Variants in AUTS2 observed in about 807,000 individuals in gnomAD.
The protein encoded by AUTS2 is autism susceptibility gene 2 protein.
Under a neutral mutation model 112.4 loss-of-function variants are expected in AUTS2, and 17 were observed. The observed-to-expected ratio is 0.15, with a 90% CI of 0.10 to 0.23. The LOEUF (loss-of-function observed/expected upper bound fraction) is 0.23, where lower values mean the gene tolerates loss of function less well. Ranked by LOEUF, AUTS2 falls within the 10% of genes least tolerant of loss-of-function variation. The pLI is 1.00. For missense variants in AUTS2, 1,510 were observed against 1,701.6 expected, an observed-to-expected ratio of 0.89 and a Z score of 1.98; for synonymous variants, 751 against 702.7, an observed-to-expected ratio of 1.07 and a Z score of -1.09.
At chr7:69,824,163 C>G (rs915611033) in intron 1 of AUTS2, among the ~76,000 whole-genome samples, 1 of 151,874 alleles carries the variant, frequency 6.6e-6, no homozygotes, top group African/African-American at 2.4e-5. Context: ...TCTGTAATCC[C>G]AGCACTGTGG....
intron 4 of AUTS2, among the ~76,000 whole-genome samples, chr7:70,289,925 A>G (rs1459510423): frequency 6.6e-6 from 1 of 152,228 alleles, no homozygotes; most frequent in East Asian, 1.9e-4. Context: ...AACAGACCTA[A>G]TTTAGTAAGA....
At chr7:69,937,231 A>T (rs1219626166) in intron 2 of AUTS2, among the ~76,000 whole-genome samples, 1 of 152,166 alleles carries the variant, frequency 6.6e-6, no homozygotes, top group Non-Finnish European at 1.5e-5. Flanking sequence ...GAGGAGGGAG[A>T]TTGAAGGCAG....
intron 1 of AUTS2, among the ~76,000 whole-genome samples, chr7:69,798,946 G>T (rs1006962921): frequency 6.6e-6 from 1 of 151,606 alleles, no homozygotes; most frequent in Non-Finnish European, 1.5e-5. Context: ...AGCTTTAATG[G>T]CACCACTGCA....
intron 2 of AUTS2, among the ~76,000 whole-genome samples, chr7:70,078,693 T>C (rs571492969): frequency 3.3e-5 from 5 of 152,042 alleles, no homozygotes; most frequent in African/African-American, 1.2e-4. Context: ...CCCCAACCCC[T>C]GAAGGGAGAA....
At chr7:70,233,958 T>C (rs1030248529) in intron 4 of AUTS2, among the ~76,000 whole-genome samples, 8 of 152,190 alleles carry the variant, frequency 5.3e-5, no homozygotes, top group African/African-American at 1.9e-4. Context: ...GTCCAAAGGT[T>C]GATCATGTGG....
chr7:70,703,399 G>A (rs1809563590), intron 6 of AUTS2, among the ~76,000 whole-genome samples: 1 of 151,040 alleles, frequency 6.6e-6, no homozygotes, highest in African/African-American at 2.4e-5. Flanking sequence ...GGGAGGGTGA[G>A]GTGAGAGGAT....
intron 4 of AUTS2, among the ~76,000 whole-genome samples, chr7:70,304,087 G>A (rs1039324660): frequency 2.0e-5 from 3 of 152,160 alleles, no homozygotes; most frequent in African/African-American, 7.2e-5. Flanking sequence ...CAACACTGCA[G>A]ACATCTGCTG....
intron 2 of AUTS2, among the ~76,000 whole-genome samples, chr7:69,911,148 G>A (rs938146827): frequency 6.6e-6 from 1 of 152,216 alleles, no homozygotes; most frequent in African/African-American, 2.4e-5. Context: ...AGCCAGGCAT[G>A]CCTGCTGCTG....
intron 15 of AUTS2, chr7:70,782,616 C>CACTT (rs1791164521): frequency 6.6e-6 from 1 of 152,176 alleles, no homozygotes; most frequent in East Asian, 1.9e-4. Context: ...GCTCAGTTAA[C>CACTT]ACTTAAAAAT....
At chr7:69,923,523 A>G (rs1045826018) in intron 2 of AUTS2, among the ~76,000 whole-genome samples, 2 of 152,212 alleles carry the variant, frequency 1.3e-5, no homozygotes, top group African/African-American at 4.8e-5. Flanking sequence ...GGTTGAGATT[A>G]TATTGATCGT....
At chr7:70,029,753 A>G (rs1800693906) in intron 2 of AUTS2, among the ~76,000 whole-genome samples, 1 of 152,210 alleles carries the variant, frequency 6.6e-6, no homozygotes, top group African/African-American at 2.4e-5. Flanking sequence ...TTTTTGCTAC[A>G]GAGGGAAAAA....
At chr7:69,816,180 G>C (rs951084430) in intron 1 of AUTS2, among the ~76,000 whole-genome samples, 2 of 152,172 alleles carry the variant, frequency 1.3e-5, no homozygotes, top group African/African-American at 4.8e-5. Flanking sequence ...CTTTCCCCGT[G>C]GGAGACAGGC....
chr7:70,643,582 T>G (rs1418277111), intron 5 of AUTS2, among the ~76,000 whole-genome samples: 1 of 152,034 alleles, frequency 6.6e-6, no homozygotes, highest in Non-Finnish European at 1.5e-5. Flanking sequence ...AAAAATAAAA[T>G]AAAGTAAAAG....
chr7:70,326,917 C>CTTTTT lies in AUTS2; in HGVS notation c.661-108821_661-108817dup, dbSNP rs552893729. On this transcript the variant is annotated intron_variant, in intron 4 of 18. Coordinates refer to ENST00000342771, the MANE Select transcript of AUTS2 (RefSeq NM_015570.4). ...CTTGGCATGAAAGGTATGCTTGGTT[C>CTTTTT]TTTTTTTTTTTTTTTTTTGTGACGG... Among the ~76,000 whole-genome samples the CTTTTT allele has an allele frequency of 2.6e-4, 31 of 120,636 alleles. 1 individual carries two copies. Among genetic ancestry groups the CTTTTT allele is most frequent in the Middle Eastern group, 5.6e-3 (1 of 180 alleles). The allele number at this position is 120,636 out of a possible 152,430, so 79.1% of individuals were successfully genotyped here.
intron 5 of AUTS2, among the ~76,000 whole-genome samples, chr7:70,529,715 C>A (rs956246880): frequency 1.3e-5 from 2 of 152,112 alleles, no homozygotes; most frequent in African/African-American, 2.4e-5. Context: ...ATGAAGGATG[C>A]GACTTGAGAA....
intron 5 of AUTS2, among the ~76,000 whole-genome samples, chr7:70,610,424 T>A (rs1804028941): frequency 1.9e-4 from 3 of 15,654 alleles, no homozygotes; most frequent in African/African-American, 1.0e-3. Context: ...AGCGCTCATC[T>A]TTTTTTTTTT....
chr7:70,252,462 A>G (rs1584934954), intron 4 of AUTS2, among the ~76,000 whole-genome samples: 1 of 152,096 alleles, frequency 6.6e-6, no homozygotes, highest in Non-Finnish European at 1.5e-5. Flanking sequence ...TTTTATTGCT[A>G]TTGAGTTATT....
At chr7:70,676,146 A>G (rs1807899916) in intron 5 of AUTS2, among the ~76,000 whole-genome samples, 1 of 152,224 alleles carries the variant, frequency 6.6e-6, no homozygotes, top group African/African-American at 2.4e-5. Flanking sequence ...AAGAAGAAGA[A>G]GAATAAGATA....
At chr7:69,904,361 T>C (rs1040407362) in intron 2 of AUTS2, among the ~76,000 whole-genome samples, 5 of 152,228 alleles carry the variant, frequency 3.3e-5, no homozygotes, top group Admixed American at 2.0e-4. Flanking sequence ...AAAACTTTGA[T>C]TAAACGGATC....
Sources: gnomAD v4.1 joint callset for allele counts (sites outside exome capture counted in the v4.1 genomes callset) on GRCh38, gnomAD v4.1.1 for gene constraint, MANE v1.5 for transcripts, NCBI Gene and HGNC (gene_info 2026-07-23, HGNC 2026-07-21) for gene names.